The following PLA2G12A variants were observed in gnomAD, a reference collection of about 807,000 sequenced individuals.
PLA2G12A encodes the protein group XIIA secretory phospholipase A2.
A neutral mutation model predicts 16.0 loss-of-function variants in PLA2G12A; 11 were observed. The observed-to-expected ratio is 0.69, with a 90% CI of 0.43 to 1.13. The LOEUF (loss-of-function observed/expected upper bound fraction) is 1.13, where lower values mean the gene tolerates loss of function less well. Among genes scored for constraint, PLA2G12A ranks in the 50% most tolerant of loss-of-function variants. The probability of loss-of-function intolerance (pLI) is 0.00; values close to 1 mark genes in which losing one functional copy is unlikely to be tolerated. For missense variants in PLA2G12A, 214 were observed against 237.3 expected (o/e 0.90, Z 0.65); for synonymous variants, 77 against 93.8 (o/e 0.82, Z 1.03).
rs768805159 is a variant in PLA2G12A at position 109,710,014 on chromosome 4, A to C, written c.*4363T>G. ...TCCCTTTACAGTTTTATTAATAATT[A>C]TTATTTTTCGTATACCGGTTGCACT... On this transcript the variant is annotated 3_prime_UTR_variant, in exon 4 of 4. Coordinates refer to ENST00000243501, the MANE Select transcript of PLA2G12A (RefSeq NM_030821.5). 1 of 152,152 alleles carries C rather than the reference A, an allele frequency of 6.6e-6. No homozygotes were observed. The highest frequency in any genetic ancestry group is 1.5e-5 in the Non-Finnish European group (1 of 68,024). The allele number at this position is 152,152 out of a possible 1,614,324, so 9.4% of individuals were successfully genotyped here. A position where few individuals can be genotyped will look rare whatever the true frequency, so the allele number is the denominator to read the frequency against.
intron 2 of PLA2G12A, 144 bp from the exon 3 acceptor site, chr4:109,717,857 CTG>C (rs1217783281): frequency 1.4e-5 from 12 of 850,098 alleles, no homozygotes; most frequent in Admixed American, 8.2e-5. Context: ...CAAATATTTT[CTG>C]TGTTATAAAT....
Position 109,721,639 on chromosome 4 carries a change from A to G in PLA2G12A, c.209-2880T>C, listed in dbSNP as rs116836686. Among the ~76,000 whole-genome samples the G allele has an allele frequency of 3.6e-3, 554 of 152,208 alleles. 5 individuals are homozygous for G. Among genetic ancestry groups the G allele is most frequent in the African/African-American group, 0.013 (540 of 41,536 alleles). On this transcript the variant is annotated intron_variant, in intron 1 of 3. Transcript: ENST00000243501. ...CCGGCCCAGTCCTTCATTCCTAAGA[A>G]AACAGTTTATGACTTGGCTTCCTAC...
chr4:109,719,615 G>A (rs997101471), intron 1 of PLA2G12A, among the ~76,000 whole-genome samples: 2 of 152,200 alleles, frequency 1.3e-5, no homozygotes, highest in African/African-American at 4.8e-5. Flanking sequence ...AGATATTGCA[G>A]GTTCAGTCCC....
Position 109,711,679 on chromosome 4 carries a change from T to C in PLA2G12A, c.*2698A>G, listed in dbSNP as rs189889713. ...AAATACTACATATGGATATTCCCAC[T>C]TCCAGGGGGTTGAATGTAATCTTTC... On this transcript the variant is annotated 3_prime_UTR_variant, in exon 4 of 4. Transcript: ENST00000243501. 95 of 152,290 alleles carry C rather than the reference T, an allele frequency of 6.2e-4. No individual in the cohort carries two copies. The highest frequency in any genetic ancestry group is 2.0e-3 in the African/African-American group (84 of 41,560). The allele number at this position is 152,290 out of a possible 1,614,324, so 9.4% of individuals were successfully genotyped here.
At chr4:109,716,208 A>C (rs561815558) in intron 3 of PLA2G12A, among the ~76,000 whole-genome samples, 39 of 152,360 alleles carry the variant, frequency 2.6e-4, no homozygotes, top group African/African-American at 9.4e-4. Flanking sequence ...CCTGCAGCAG[A>C]GATTTCTTCC....
chr4:109,721,316 A>ATT, intron 1 of PLA2G12A, among the ~76,000 whole-genome samples: 1 of 143,780 alleles, frequency 7.0e-6, no homozygotes, highest in Non-Finnish European at 1.5e-5. Context: ...TTAGTCCTTC[A>ATT]TTCTTTTTTT....
intron 1 of PLA2G12A, among the ~76,000 whole-genome samples, chr4:109,723,839 T>G (rs1346815301): frequency 6.6e-6 from 1 of 152,230 alleles, no homozygotes; most frequent in Non-Finnish European, 1.5e-5. Flanking sequence ...CAATATATAT[T>G]GTTCAGGTTA....
In PLA2G12A at chr4:109,728,334, A is replaced by T. The variant is rs546557150; in HGVS notation, c.208+1268T>A. ...TATTAACTGCTGAATCTCAAATTAG[A>T]ACAACATCTGAAGCACAGTTGGGAC... On this transcript the variant is annotated intron_variant, in intron 1 of 3. Coordinates refer to ENST00000243501, the MANE Select transcript of PLA2G12A (RefSeq NM_030821.5). Among the ~76,000 whole-genome samples, 4 of 152,346 alleles carry T rather than the reference A, an allele frequency of 2.6e-5. No individual in the cohort carries two copies. In the South Asian group the frequency reaches 8.3e-4, roughly 32 times the overall value.
At position 109,710,229 on chromosome 4, in the gene PLA2G12A, T is replaced by C. The variant is rs1014524126; in HGVS notation, c.*4148A>G. ...ACAATGTAGTGTATGTGGAAAGATC[T>C]TGCCTAATAAGTTTCATTCTACTCC... On this transcript the variant is annotated 3_prime_UTR_variant, in exon 4 of 4. Transcript: ENST00000243501. The C allele has an allele frequency of 6.6e-6, 1 of 152,226 alleles. No homozygotes were observed. Among genetic ancestry groups the C allele is most frequent in the Admixed American group, 6.5e-5 (1 of 15,284 alleles). The allele number at this position is 152,226 out of a possible 1,614,324, so 9.4% of individuals were successfully genotyped here.
At chr4:109,723,091 C>T (rs1722843308) in intron 1 of PLA2G12A, among the ~76,000 whole-genome samples, 1 of 152,084 alleles carries the variant, frequency 6.6e-6, no homozygotes, top group South Asian at 2.1e-4. Context: ...TACAGCACCT[C>T]AGACTGAACA....
chr4:109,712,967 G>A lies in PLA2G12A; in HGVS notation c.*1410C>T, dbSNP rs1418537614. 1 of 152,156 alleles carries A rather than the reference G, an allele frequency of 6.6e-6. No homozygotes were observed. Among genetic ancestry groups the A allele is most frequent in the African/African-American group, 2.4e-5 (1 of 41,408 alleles). The allele number at this position is 152,156 out of a possible 1,614,324, so 9.4% of individuals were successfully genotyped here. A position where few individuals can be genotyped will look rare whatever the true frequency, so the allele number is the denominator to read the frequency against. Reference sequence around the variant, plus strand: ...GGAACAGCTGCCACCAATTCAAGTTGGAAGATACTAGGTTCCCGGCAATGA... The same window carrying A: ...GGAACAGCTGCCACCAATTCAAGTTAGAAGATACTAGGTTCCCGGCAATGA... On this transcript the variant is annotated 3_prime_UTR_variant, in exon 4 of 4. Transcript: ENST00000243501.
In PLA2G12A at chr4:109,729,096, G is replaced by A. The variant is rs114486318; in HGVS notation, c.208+506C>T. 7.0e-3 allele frequency among the ~76,000 whole-genome samples: 1,066 copies of A among 152,212 alleles called. 12 individuals are homozygous for A. Among genetic ancestry groups the A allele is most frequent in the African/African-American group, 0.025 (1,031 of 41,518 alleles). ...ATCGGAACCCTTTCTCAACACTCGA[G>A]TACACCAAAAGTCTGTACAAAGGTC... On this transcript the variant is annotated intron_variant, in intron 1 of 3. Transcript: ENST00000243501.
chr4:109,727,458 T>A lies in PLA2G12A; in HGVS notation c.208+2144A>T, dbSNP rs148470092. Among the ~76,000 whole-genome samples the A allele has an allele frequency of 1.4e-3, 211 of 152,252 alleles. 1 individual carries two copies. The highest frequency in any genetic ancestry group is 4.9e-3 in the African/African-American group (205 of 41,556). On this transcript the variant is annotated intron_variant, in intron 1 of 3. Transcript: ENST00000243501. ...CCAATTATCTATCAGTATGGTGACT[T>A]GGACTTGAAACCACATGTCCGTTAA...
rs561529551 is a variant in PLA2G12A, at chr4:109,729,918, C to T, written c.-109G>A. 44 of 911,296 alleles carry T rather than the reference C, an allele frequency of 4.8e-5. No individual in the cohort carries two copies. In the African/African-American group the frequency reaches 7.3e-4, roughly 15 times the overall value. The allele number at this position is 911,296 out of a possible 1,614,324, so 56.5% of individuals were successfully genotyped here. A position where few individuals can be genotyped will look rare whatever the true frequency, so the allele number is the denominator to read the frequency against. On this transcript the variant is annotated 5_prime_UTR_variant, in exon 1 of 4. Transcript: ENST00000243501. ...GCGCGGGCCCCGGACTTGGCAGCAG[C>T]CAGCTCCATATCCACGCCTCCTTCC... is the stretch of plus-strand genomic sequence containing the variant.
At chr4:109,717,429 G>T in intron 3 of PLA2G12A, 119 bp downstream of exon 3, 1 of 1,091,332 alleles carries the variant, frequency 9.2e-7, no homozygotes, top group Non-Finnish European at 1.3e-6. Flanking sequence ...ATTGAAGTCT[G>T]TGTCACAATA....
At chr4:109,720,009 C>G (rs1730894690) in intron 1 of PLA2G12A, among the ~76,000 whole-genome samples, 2 of 152,214 alleles carry the variant, frequency 1.3e-5, no homozygotes, top group South Asian at 4.1e-4. Flanking sequence ...CAGTCACCTA[C>G]TGGCTCTTTG....
rs1376983820 is a variant in PLA2G12A at position 109,729,612 on chromosome 4, T to C, written c.198A>G (p.Lys66=). The change falls in exon 1 of 4, where the codon AAA becomes AAG. Residue 66 remains lysine (K), a synonymous_variant. Transcript: ENST00000243501. The part of the protein sequence containing the change: ...LGGEDGLCQY[K]CSDGSKPFPR... Reference sequence around the variant, plus strand: ...CGGGTGCCCCCTCACCGTCACTGCATTTATACTGGCAGAGACCGTCCTCGC... The same window carrying C: ...CGGGTGCCCCCTCACCGTCACTGCACTTATACTGGCAGAGACCGTCCTCGC... 1.9e-6 allele frequency: 3 copies of C among 1,610,912 alleles called. No individual in the cohort carries two copies. Among genetic ancestry groups the C allele is most frequent in the Admixed American group, 3.3e-5 (2 of 59,964 alleles).
Position 109,729,759 on chromosome 4 carries a change from G to A in PLA2G12A, c.51C>T (p.Ala17=), listed in dbSNP as rs988151748. ...PALTLLLLLM[A]AVVRCQEQAQ... The stretch of plus-strand genomic sequence containing the variant: ...CCTGCTCCTGGCACCTGACAACAGC[G>A]GCCATGAGGAGGAGCAGGAGGGTGA... Residue 17 remains alanine, a synonymous_variant, in exon 1 of 4, where the codon GCC becomes GCT. Coordinates refer to ENST00000243501, the MANE Select transcript of PLA2G12A (RefSeq NM_030821.5). 8 of 1,579,688 alleles carry A rather than the reference G, an allele frequency of 5.1e-6. No homozygotes were observed. The highest frequency in any genetic ancestry group is 1.4e-5 in the African/African-American group (1 of 74,016).
intron 3 of PLA2G12A, among the ~76,000 whole-genome samples, chr4:109,716,390 C>T (rs1730827683): frequency 6.6e-6 from 1 of 152,188 alleles, no homozygotes; most frequent in Non-Finnish European, 1.5e-5. Context: ...ATAACACTAC[C>T]TACCTCTTTA....
Sources: gnomAD v4.1 joint callset for allele counts (sites outside exome capture counted in the v4.1 genomes callset) on GRCh38, gnomAD v4.1.1 for gene constraint, MANE v1.5 for transcripts, NCBI Gene and HGNC (gene_info 2026-07-23, HGNC 2026-07-21) for gene names.